Variants in SLC9A8 observed in about 807,000 individuals in gnomAD.
The protein encoded by SLC9A8 is solute carrier family 9 member A8.
A neutral mutation model predicts 66.6 loss-of-function variants in SLC9A8; 48 were observed. The ratio of observed to expected loss-of-function variants is 0.72; its 90% confidence interval spans 0.57 to 0.92. SLC9A8 has a LOEUF of 0.92. SLC9A8 is among the 40% of genes least tolerant of loss of function. The probability of loss-of-function intolerance (pLI) is 0.00; values close to 1 mark genes in which losing one functional copy is unlikely to be tolerated. For missense variants in SLC9A8, 599 were observed against 747.3 expected, an observed-to-expected ratio of 0.80 and a Z score of 2.31; for synonymous variants, 274 against 282.6, an observed-to-expected ratio of 0.97 and a Z score of 0.31.
intron 11 of SLC9A8, among the ~76,000 whole-genome samples, chr20:49,876,390 A>C (rs979458567): frequency 7.2e-5 from 11 of 152,178 alleles, no homozygotes; most frequent in African/African-American, 2.2e-4. Context: ...TGGCGTGTGG[A>C]AAACAGGCCT....
At chr20:49,817,105 C>T (rs950390928) in intron 2 of SLC9A8, among the ~76,000 whole-genome samples, 5 of 150,970 alleles carry the variant, frequency 3.3e-5, no homozygotes, top group Non-Finnish European at 7.4e-5. Context: ...CATCTAAGGT[C>T]AGGAGTTCGA....
intron 3 of SLC9A8, among the ~76,000 whole-genome samples, chr20:49,834,183 C>CTATA (rs1354363889): frequency 9.5e-4 from 35 of 36,974 alleles, no homozygotes; most frequent in South Asian, 4.2e-3. Context: ...CTCTCTCTCT[C>CTATA]TCTATATATA....
chr20:49,834,386 GTGTA>G lies in SLC9A8; in HGVS notation c.290-5153_290-5150del, dbSNP rs1342054535. 3.0e-3 allele frequency among the ~76,000 whole-genome samples: 110 copies of G among 37,218 alleles called. 6 individuals are homozygous for G. The highest frequency in any genetic ancestry group is 0.019 in the African/African-American group (101 of 5,388). 24.4% of individuals were successfully genotyped at this position (37,218 alleles called of 152,430 possible). A position where few individuals can be genotyped will look rare whatever the true frequency, so the allele number is the denominator to read the frequency against. ...TATACTGTGTATATATATATATACT[GTGTA>G]TATATATATACTGTGTATATATATA... is the stretch of plus-strand genomic sequence containing the variant. On this transcript the variant is annotated intron_variant, in intron 3 of 15. Transcript: ENST00000361573.
chr20:49,875,534 A>T (rs144774684), intron 11 of SLC9A8, among the ~76,000 whole-genome samples: 95 of 152,270 alleles, frequency 6.2e-4, no homozygotes, highest in African/African-American at 2.3e-3. Context: ...GGGCTGGGAT[A>T]AACCACGATG....
chr20:49,847,891 CA>C (rs1373304563), intron 5 of SLC9A8, among the ~76,000 whole-genome samples: 1 of 137,664 alleles, frequency 7.3e-6, no homozygotes, highest in Admixed American at 7.5e-5. Context: ...GCAAACAGGT[CA>C]AAACTGATTA....
Position 49,856,920 on chromosome 20 carries a change from A to T in SLC9A8, c.713+1339A>T, listed in dbSNP as rs184273584. Among the ~76,000 whole-genome samples the T allele has an allele frequency of 7.2e-5, 11 of 152,242 alleles. No individual in the cohort carries two copies. In the East Asian group the frequency reaches 2.1e-3, roughly 29 times the overall value. ...GCTGTGATGGAGCCATTGCACTCCA[A>T]CCTGGGCAACAGAGCAAGACCCTGT... On this transcript the variant is annotated intron_variant, in intron 8 of 15. Transcript: ENST00000361573.
intron 3 of SLC9A8, among the ~76,000 whole-genome samples, chr20:49,834,312 G>GTATATATATATATAC: frequency 8.7e-6 from 1 of 114,712 alleles, no homozygotes; most frequent in South Asian, 2.8e-4. Context: ...TATATACAGT[G>GTATATATATATATAC]TGTATATATA....
At chr20:49,879,401 T>C (rs1600804600) in intron 12 of SLC9A8, among the ~76,000 whole-genome samples, 1 of 152,222 alleles carries the variant, frequency 6.6e-6, no homozygotes, top group East Asian at 1.9e-4. Flanking sequence ...TATACCTCAG[T>C]TTCCTTGTCT....
At chr20:49,839,771 A>G (rs966970982) in intron 4 of SLC9A8, among the ~76,000 whole-genome samples, 172 bp downstream of exon 4, 9 of 152,140 alleles carry the variant, frequency 5.9e-5, no homozygotes, top group African/African-American at 2.2e-4. Context: ...GAGTTTTTGC[A>G]AAAGCATAAG....
At position 49,891,414 on chromosome 20, in the gene SLC9A8, G is replaced by A. The variant is rs746262291; in HGVS notation, c.*3478G>A. The stretch of plus-strand genomic sequence containing the variant: ...ATCTCACAGTCAAGATAAAGGCCTC[G>A]AGAATAAAGAGCCAGCCCCCTTCCA... On this transcript the variant is annotated 3_prime_UTR_variant, in exon 16 of 16. Transcript: ENST00000361573. The A allele has an allele frequency of 1.3e-5, 2 of 152,144 alleles. No individual in the cohort carries two copies. The highest frequency in any genetic ancestry group is 1.9e-4 in the East Asian group (1 of 5,196). 9.4% of individuals were successfully genotyped at this position (152,144 alleles called of 1,614,324 possible).
Position 49,891,992 on chromosome 20 carries a change from A to T in SLC9A8, c.*4056A>T, listed in dbSNP as rs953068254. The T allele has an allele frequency of 3.3e-5, 5 of 151,902 alleles. No homozygotes were observed. Among genetic ancestry groups the T allele is most frequent in the African/African-American group, 1.2e-4 (5 of 41,314 alleles). 9.4% of individuals were successfully genotyped at this position (151,902 alleles called of 1,614,324 possible). On this transcript the variant is annotated 3_prime_UTR_variant, in exon 16 of 16. Transcript: ENST00000361573. Reference sequence around the variant, plus strand: ...AGCATTATGAAGGCCAGACTTACTCATTTTTCTCCCCCAAGTGAGCTGCAA... The same window carrying T: ...AGCATTATGAAGGCCAGACTTACTCTTTTTTCTCCCCCAAGTGAGCTGCAA...
intron 5 of SLC9A8, among the ~76,000 whole-genome samples, 175 bp downstream of exon 5, chr20:49,845,294 C>T (rs902158663): frequency 6.6e-6 from 1 of 152,228 alleles, no homozygotes; most frequent in Non-Finnish European, 1.5e-5. Flanking sequence ...GAGGAGCAGA[C>T]ATGATGAATT....
intron 2 of SLC9A8, among the ~76,000 whole-genome samples, chr20:49,820,734 C>T (rs779187171): frequency 2.0e-5 from 3 of 151,786 alleles, no homozygotes; most frequent in East Asian, 1.9e-4. Context: ...TTAGTAGAGA[C>T]GGCGTTTCAC....
In SLC9A8 at chr20:49,886,683, G is replaced by T. The variant is rs1011446083; in HGVS notation, c.1492-69G>T. The T allele has an allele frequency of 1.9e-6, 3 of 1,565,426 alleles. No individual in the cohort carries two copies. Among genetic ancestry groups the T allele is most frequent in the African/African-American group, 2.7e-5 (2 of 73,780 alleles). Reference sequence around the variant, plus strand: ...GACACTGGCGGCCTGGGTGGTGTGGGGGCTTCCAGGAGGTGCCCCCCGATG... The same window carrying T: ...GACACTGGCGGCCTGGGTGGTGTGGTGGCTTCCAGGAGGTGCCCCCCGATG... On this transcript the variant is annotated intron_variant, in intron 14 of 15. Coordinates refer to ENST00000361573, the MANE Select transcript of SLC9A8 (RefSeq NM_015266.3). The surrounding 1 kb of genome is among the most constrained non-coding windows in gnomAD (Gnocchi z 4.8).
chr20:49,815,704 C>T (rs1014449590), intron 2 of SLC9A8, among the ~76,000 whole-genome samples: 7 of 151,966 alleles, frequency 4.6e-5, no homozygotes, highest in East Asian at 1.9e-4. Context: ...GAGATCACGC[C>T]GCTGCACTCC....
At chr20:49,882,625 C>T (rs1358165573) in intron 13 of SLC9A8, among the ~76,000 whole-genome samples, 1 of 152,228 alleles carries the variant, frequency 6.6e-6, no homozygotes. Context: ...GGGATCCGTA[C>T]TCCTGTTTCC....
intron 4 of SLC9A8, among the ~76,000 whole-genome samples, chr20:49,841,564 G>A (rs1299194457): frequency 4.0e-5 from 6 of 150,802 alleles, no homozygotes; most frequent in African/African-American, 1.2e-4. Context: ...TTAATTATAT[G>A]TATATATATA....
chr20:49,833,540 G>A lies in SLC9A8; in HGVS notation c.290-6001G>A, dbSNP rs553496361. ...CTTATATTTTACAGTCATAATGGTA[G>A]CCCTGCAGTGCACTCTGGGAGTGAG... On this transcript the variant is annotated intron_variant, in intron 3 of 15. Transcript: ENST00000361573. Among the ~76,000 whole-genome samples, 7 of 152,322 alleles carry A rather than the reference G, an allele frequency of 4.6e-5. No homozygotes were observed. The East Asian group carries it at 1.3e-3, about 29-fold the overall frequency.
chr20:49,828,163 C>T (rs1007063508), intron 3 of SLC9A8, among the ~76,000 whole-genome samples: 5 of 150,016 alleles, frequency 3.3e-5, no homozygotes, highest in East Asian at 2.0e-4. Context: ...TCACTGCAAC[C>T]TCCGTCTCCC....
Sources: allele counts gnomAD v4.1 joint callset (sites outside exome capture counted in the v4.1 genomes callset), GRCh38; gene constraint gnomAD v4.1.1; non-coding constraint Gnocchi (gnomAD v3.1); transcripts MANE v1.5; gene names NCBI Gene and HGNC (gene_info 2026-07-23, HGNC 2026-07-21).